The following CDYL variants were observed in gnomAD, a reference collection of about 807,000 sequenced individuals.
CDYL encodes chromodomain Y-like protein.
In CDYL, 8 loss-of-function variants were observed where a neutral mutation model predicts 47.3. The ratio of observed to expected loss-of-function variants is 0.17; its 90% CI spans 0.10 to 0.31. The LOEUF (loss-of-function observed/expected upper bound fraction) is 0.31, where lower values mean the gene tolerates loss of function less well. Among genes scored for constraint, CDYL ranks in the 10% least tolerant of loss-of-function variants. The pLI, the probability that CDYL is intolerant of heterozygous loss-of-function variation, is 1.00. For synonymous variants in CDYL, 266 were observed against 265.0 expected (o/e 1.00, Z -0.04); for missense variants, 471 against 701.4 (o/e 0.67, Z 3.71).
chr6:4,854,394 A>C (rs1760943904), intron 1 of CDYL, among the ~76,000 whole-genome samples: 1 of 152,128 alleles, frequency 6.6e-6, no homozygotes, highest in South Asian at 2.1e-4. Flanking sequence ...TCAGATCACC[A>C]AGTTTGCACT....
intron 1 of CDYL, among the ~76,000 whole-genome samples, chr6:4,791,277 G>A (rs1758909484): frequency 6.6e-6 from 1 of 152,232 alleles, no homozygotes; most frequent in Non-Finnish European, 1.5e-5. Context: ...CAGTGAGGTG[G>A]AGGGAACAGG....
chr6:4,755,791 G>A (rs1758065247), intron 3 of CDYL, among the ~76,000 whole-genome samples: 1 of 152,164 alleles, frequency 6.6e-6, no homozygotes, highest in African/African-American at 2.4e-5. Context: ...GAGAGGTAAA[G>A]AAAGTATACT....
At chr6:4,943,340 C>T (rs528222793) in intron 4 of CDYL, among the ~76,000 whole-genome samples, 3 of 152,238 alleles carry the variant, frequency 2.0e-5, no homozygotes, top group Admixed American at 6.5e-5. Flanking sequence ...CCACTACATG[C>T]GTGGGCTCCA....
intron 1 of CDYL, among the ~76,000 whole-genome samples, chr6:4,861,998 A>G (rs1761182851): frequency 6.6e-6 from 1 of 152,158 alleles, no homozygotes; most frequent in Non-Finnish European, 1.5e-5. Context: ...CTGGTCCTAA[A>G]CAGGAAGTAA....
chr6:4,903,764 C>T (rs145448370), intron 2 of CDYL, among the ~76,000 whole-genome samples: 2,087 of 152,342 alleles, frequency 0.014, 28 homozygotes, highest in Non-Finnish European at 0.022. Flanking sequence ...TCCTGAGTAT[C>T]TTCCGTGGCT....
At chr6:4,938,243 T>G (rs966427139) in intron 4 of CDYL, among the ~76,000 whole-genome samples, 1 of 151,936 alleles carries the variant, frequency 6.6e-6, no homozygotes, top group Non-Finnish European at 1.5e-5. Context: ...GTTTTTTTTT[T>G]TTGTTTCTTT....
intron 1 of CDYL, among the ~76,000 whole-genome samples, chr6:4,804,805 G>A (rs567690705): frequency 1.7e-4 from 26 of 152,320 alleles, no homozygotes; most frequent in Admixed American, 9.1e-4. Context: ...CATTCAAGAA[G>A]AGTAATTAGA....
chr6:4,949,733 G>A (rs969681287), intron 5 of CDYL, among the ~76,000 whole-genome samples: 2 of 152,202 alleles, frequency 1.3e-5, no homozygotes, highest in Non-Finnish European at 2.9e-5. Flanking sequence ...AAAATAGTGT[G>A]TTTATATAAG....
At chr6:4,943,961 ACC>A in intron 5 of CDYL, 1 of 481,936 alleles carries the variant, frequency 2.1e-6, no homozygotes, top group Admixed American at 3.7e-5. Context: ...TGAGGAGCCT[ACC>A]ACTTTGCATA....
At chr6:4,909,743 T>A (rs1241656633) in intron 2 of CDYL, among the ~76,000 whole-genome samples, 2 of 151,936 alleles carry the variant, frequency 1.3e-5, no homozygotes, top group Non-Finnish European at 1.5e-5. Context: ...GCTATTTTTT[T>A]TTTTTTATTT....
chr6:4,895,073 ATC>A (rs1182993884), intron 2 of CDYL, among the ~76,000 whole-genome samples: 1 of 64,048 alleles, frequency 1.6e-5, no homozygotes, highest in Non-Finnish European at 5.4e-5. Flanking sequence ...GTATATATGT[ATC>A]TATATGCACA....
At chr6:4,899,306 CA>C (rs1756938120) in intron 2 of CDYL, among the ~76,000 whole-genome samples, 1 of 152,178 alleles carries the variant, frequency 6.6e-6, no homozygotes, top group Non-Finnish European at 1.5e-5. Context: ...GACATATTAA[CA>C]GGAGAAAAGG....
intron 1 of CDYL, among the ~76,000 whole-genome samples, chr6:4,797,889 G>A (rs79041992): frequency 0.017 from 2,605 of 152,286 alleles, 34 homozygotes; most frequent in Non-Finnish European, 0.027. Context: ...GAGCATTCAT[G>A]TAGAAGTTTT....
intron 1 of CDYL, among the ~76,000 whole-genome samples, chr6:4,833,132 T>C (rs1222274219): frequency 6.9e-6 from 1 of 144,418 alleles, no homozygotes; most frequent in Non-Finnish European, 1.5e-5. Flanking sequence ...ATGTGTTTGC[T>C]CTTGCTTTTC....
exon 3 of CDYL, chr6:4,734,792 G>T: frequency 6.2e-7 from 1 of 1,614,166 alleles, no homozygotes; most frequent in Non-Finnish European, 8.5e-7. Context: ...TCAGACCCCA[G>T]CATCTCCGTG....
intron 1 of CDYL, among the ~76,000 whole-genome samples, chr6:4,809,967 A>G (rs561154376): frequency 5.3e-5 from 8 of 151,668 alleles, no homozygotes; most frequent in African/African-American, 1.9e-4. Flanking sequence ...TGGTAGGGGT[A>G]TTATGTTAGT....
At chr6:4,830,030 G>C (rs1365472055) in intron 1 of CDYL, among the ~76,000 whole-genome samples, 2 of 152,202 alleles carry the variant, frequency 1.3e-5, no homozygotes, top group Admixed American at 6.5e-5. Flanking sequence ...AAGAATAATT[G>C]CTGTTTTTTG....
intron 2 of CDYL, among the ~76,000 whole-genome samples, chr6:4,935,138 A>G (rs1032255854): frequency 2.0e-5 from 3 of 152,180 alleles, no homozygotes; most frequent in Non-Finnish European, 4.4e-5. Flanking sequence ...TCTAATAATA[A>G]GATGTTTTCT....
intron 3 of CDYL, among the ~76,000 whole-genome samples, chr6:4,738,752 T>G (rs1269314584): frequency 2.0e-5 from 3 of 152,216 alleles, no homozygotes; most frequent in African/African-American, 7.2e-5. Context: ...TAGAGATTAG[T>G]TGGAACTAGC....
Sources: gnomAD v4.1 joint callset for allele counts (sites outside exome capture counted in the v4.1 genomes callset) on GRCh38, gnomAD v4.1.1 for gene constraint, MANE v1.5 for transcripts, NCBI Gene and HGNC (gene_info 2026-07-23, HGNC 2026-07-21) for gene names.